LPGAT1: variants seen among roughly 807,000 people sequenced by gnomAD.
LPGAT1 encodes the protein acyl-CoA:lysophosphatidylglycerol acyltransferase 1.
A neutral mutation model predicts 47.5 loss-of-function variants in LPGAT1; 11 were observed. The observed-to-expected ratio is 0.23, with a 90% CI of 0.15 to 0.38. The LOEUF (loss-of-function observed/expected upper bound fraction) is 0.38. Ranked by LOEUF, LPGAT1 falls within the 10% of genes least tolerant of loss-of-function variation. The pLI, the probability that LPGAT1 is intolerant of heterozygous loss-of-function variation, is 1.00. For missense variants in LPGAT1, 293 were observed against 439.0 expected (o/e 0.67, Z 2.97); for synonymous variants, 138 against 144.2 (o/e 0.96, Z 0.31).
intron 5 of LPGAT1, among the ~76,000 whole-genome samples, chr1:211,781,015 A>G (rs905906388): frequency 5.9e-5 from 9 of 152,248 alleles, no homozygotes; most frequent in African/African-American, 1.2e-4. Context: ...ATTTTGGTAT[A>G]TATGTATGCA....
chr1:211,797,302 T>C (rs944577529), intron 2 of LPGAT1, among the ~76,000 whole-genome samples: 32 of 139,600 alleles, frequency 2.3e-4, no homozygotes, highest in South Asian at 4.5e-4. Flanking sequence ...TCAACTTTTC[T>C]TTCCTTTTCT....
At chr1:211,822,021 T>G (rs1471479997) in intron 2 of LPGAT1, among the ~76,000 whole-genome samples, 1 of 152,216 alleles carries the variant, frequency 6.6e-6, no homozygotes, top group Non-Finnish European at 1.5e-5. Context: ...CCTAACTCCA[T>G]GCTGTATACT....
intron 6 of LPGAT1, among the ~76,000 whole-genome samples, chr1:211,771,892 C>G (rs1260167346): frequency 1.3e-5 from 2 of 151,992 alleles, no homozygotes; most frequent in African/African-American, 2.4e-5. Context: ...GAAGGGGTAC[C>G]CTACTTGAAG....
intron 2 of LPGAT1, among the ~76,000 whole-genome samples, chr1:211,794,282 C>A (rs565613267): frequency 6.6e-6 from 1 of 152,172 alleles, no homozygotes; most frequent in African/African-American, 2.4e-5. Context: ...TGTAGTTATG[C>A]CTCATTTCAT....
At chr1:211,792,562 T>G (rs565136397) in intron 3 of LPGAT1, among the ~76,000 whole-genome samples, 1 of 152,040 alleles carries the variant, frequency 6.6e-6, no homozygotes, top group East Asian at 1.9e-4. Flanking sequence ...CCCAGTTTTT[T>G]TTTTTTTTTA....
At chr1:211,791,421 A>C (rs77554650) in intron 3 of LPGAT1, among the ~76,000 whole-genome samples, 7,151 of 152,106 alleles carry the variant, frequency 0.047, 254 homozygotes, top group African/African-American at 0.091. Context: ...TGAGGTACAC[A>C]GTGCACTTAC....
chr1:211,783,447 T>TTA lies in LPGAT1; in HGVS notation c.507_508dup (p.Asn170IlefsTer54). Reference sequence around the variant, plus strand: ...CCATTTTCGATCTCTGCTCCTGTAATTATTTTCTAAGTGCTTCTTGAGAAG... The same window carrying TTA: ...CCATTTTCGATCTCTGCTCCTGTAATTATATTTTCTAAGTGCTTCTTGAGAAG... On this transcript the variant is annotated frameshift_variant, in exon 5 of 8. Transcript: ENST00000366997. LOFTEE classifies it high-confidence loss of function. 6.2e-7 allele frequency: 1 copy of TTA among 1,614,142 alleles called. No homozygotes were observed. Among genetic ancestry groups the TTA allele is most frequent in the Non-Finnish European group, 8.5e-7 (1 of 1,180,024 alleles).
intron 2 of LPGAT1, among the ~76,000 whole-genome samples, chr1:211,822,979 C>T (rs936486861): frequency 2.6e-5 from 4 of 152,092 alleles, no homozygotes; most frequent in African/African-American, 7.2e-5. Context: ...AGTTTTTAAC[C>T]TCTTGAAGAA....
chr1:211,775,188 G>C (rs926937204), intron 6 of LPGAT1, among the ~76,000 whole-genome samples: 1 of 152,140 alleles, frequency 6.6e-6, no homozygotes, highest in African/African-American at 2.4e-5. Flanking sequence ...GTGGTGGCAG[G>C]TGCCTGCAAA....
intron 4 of LPGAT1, among the ~76,000 whole-genome samples, chr1:211,786,898 T>C (rs115402540): frequency 0.024 from 3,580 of 152,256 alleles, 67 homozygotes; most frequent in Non-Finnish European, 0.03. Flanking sequence ...ATGAAGGTAG[T>C]AGGCACTGTT....
intron 6 of LPGAT1, among the ~76,000 whole-genome samples, chr1:211,752,073 T>C (rs1017993675): frequency 1.3e-5 from 2 of 152,250 alleles, no homozygotes; most frequent in Admixed American, 1.3e-4. Flanking sequence ...ATATTAGGCA[T>C]TTATATTAAT....
In LPGAT1 at chr1:211,795,722, A is replaced by G. The variant is rs549891255; in HGVS notation, c.239-2532T>C. On this transcript the variant is annotated intron_variant, in intron 2 of 7. Coordinates refer to ENST00000366997, the MANE Select transcript of LPGAT1 (RefSeq NM_014873.3). ...TACTAACCAAATGAAAACTCCCCAT[A>G]TGCCCCTGTTGACAACCCTCCAATG... 1.8e-4 allele frequency among the ~76,000 whole-genome samples: 28 copies of G among 152,216 alleles called. No homozygotes were observed. The Middle Eastern group carries it at 0.01, about 55-fold the overall frequency.
At chr1:211,767,602 T>C (rs1657972067) in intron 6 of LPGAT1, among the ~76,000 whole-genome samples, 1 of 152,122 alleles carries the variant, frequency 6.6e-6, no homozygotes, top group Admixed American at 6.6e-5. Context: ...CTCTGAACAG[T>C]GACTGATGGC....
At chr1:211,787,849 G>C (rs1658951824) in intron 3 of LPGAT1, 122 bp from the exon 4 acceptor site, 1 of 571,026 alleles carries the variant, frequency 1.8e-6, no homozygotes, top group Non-Finnish European at 3.1e-6. Flanking sequence ...AATATCTTAA[G>C]TCTAACTCTA....
intron 7 of LPGAT1, among the ~76,000 whole-genome samples, chr1:211,750,392 C>T (rs1352665065): frequency 2.0e-5 from 3 of 152,156 alleles, no homozygotes; most frequent in African/African-American, 7.2e-5. Context: ...TCCCAATTAT[C>T]TTTCTTTCTG....
chr1:211,782,101 G>A (rs1444258330), intron 5 of LPGAT1, among the ~76,000 whole-genome samples: 1 of 152,068 alleles, frequency 6.6e-6, no homozygotes, highest in Non-Finnish European at 1.5e-5. Context: ...AATTCAAATC[G>A]TTTTCATAAG....
rs368753113 is a variant in LPGAT1, at chr1:211,830,429, G to A, written c.-28+144C>T. The A allele has an allele frequency of 8.1e-3, 9,438 of 1,166,100 alleles. 355 individuals are homozygous for A. The East Asian group carries it at 0.14, about 17-fold the overall frequency. 72.2% of individuals were successfully genotyped at this position (1,166,100 alleles called of 1,614,324 possible). A position where few individuals can be genotyped will look rare whatever the true frequency, so the allele number is the denominator to read the frequency against. ...TGCCCCGCGCCCCCGCCTCCTCCCC[G>A]GGGCCTACCGCGCCCTCGTCCCTCA... is the stretch of plus-strand genomic sequence containing the variant. On this transcript the variant is annotated intron_variant, in intron 1 of 7. Coordinates refer to ENST00000366997, the MANE Select transcript of LPGAT1 (RefSeq NM_014873.3). This position sits in a 1 kb window ranked among gnomAD's most constrained non-coding sequence, Gnocchi z 5.9.
intron 2 of LPGAT1, among the ~76,000 whole-genome samples, chr1:211,819,913 G>A (rs371225484): frequency 9.2e-5 from 14 of 152,144 alleles, no homozygotes; most frequent in South Asian, 6.2e-4. Flanking sequence ...GAACCCAGGA[G>A]GCAAGAGGTT....
Position 211,778,958 on chromosome 1 carries a change from G to C in LPGAT1, c.814C>G (p.Leu272Val). 1 of 1,608,900 alleles carries C rather than the reference G, an allele frequency of 6.2e-7. No homozygotes were observed. Among genetic ancestry groups the C allele is most frequent in the African/African-American group, 1.3e-5 (1 of 74,654 alleles). The change falls in exon 6 of 8, where the codon CTT (leucine) becomes GTT (valine). Residue 272 changes from leucine to valine, a missense_variant. Coordinates refer to ENST00000366997, the MANE Select transcript of LPGAT1 (RefSeq NM_014873.3). ...GTGACTGTTGGTTTCCTGTATCCAA[G>C]GATCCAGGTTTGAATATCTATAGGT... ...AEPIDIQTWI[L>V]GYRKPTVTHV...
Sources: allele counts gnomAD v4.1 joint callset (sites outside exome capture counted in the v4.1 genomes callset), GRCh38; gene constraint gnomAD v4.1.1; non-coding constraint Gnocchi (gnomAD v3.1); transcripts MANE v1.5; gene names NCBI Gene and HGNC (gene_info 2026-07-23, HGNC 2026-07-21).